RFX2: variants seen among roughly 807,000 people sequenced by gnomAD.
RFX2 encodes the protein DNA-binding protein RFX2.
Under a neutral mutation model 87.8 loss-of-function variants are expected in RFX2, and 20 were observed. The observed-to-expected ratio is 0.23, with a 90% CI of 0.16 to 0.33. The LOEUF (loss-of-function observed/expected upper bound fraction) is 0.33. Ranked by LOEUF, RFX2 falls within the 10% of genes least tolerant of loss-of-function variation. The pLI is 1.00. For missense variants in RFX2, 767 were observed against 1,012.3 expected (o/e 0.76, Z 3.29); for synonymous variants, 397 against 431.3 (o/e 0.92, Z 0.98).
intron 4 of RFX2, among the ~76,000 whole-genome samples, chr19:6,041,023 T>G (rs754469679): frequency 2.4e-4 from 36 of 152,168 alleles, no homozygotes; most frequent in Non-Finnish European, 3.2e-4. Flanking sequence ...GAATAAGGCC[T>G]GTGGGCTAGT....
rs1209891796 is a variant in RFX2 at position 6,010,907 on chromosome 19, G to A, written c.900-656C>T. Among the ~76,000 whole-genome samples the A allele has an allele frequency of 1.3e-5, 2 of 152,062 alleles. No homozygotes were observed. The highest frequency in any genetic ancestry group is 4.8e-5 in the African/African-American group (2 of 41,412). ...CGAGGCAGGTGGATCATCTGAGGTC[G>A]GGAGTTCGAGACCAGCCTGACCAAC... On this transcript the variant is annotated intron_variant, in intron 8 of 17. Coordinates refer to ENST00000303657, the MANE Select transcript of RFX2 (RefSeq NM_000635.4). The surrounding 1 kb of genome is among the most constrained non-coding windows in gnomAD (Gnocchi z 5.0).
At position 6,064,722 on chromosome 19, in the gene RFX2, T is replaced by C. The variant is rs1226044635; in HGVS notation, c.-8-17218A>G. Among the ~76,000 whole-genome samples the C allele has an allele frequency of 2.0e-5, 3 of 152,216 alleles. No homozygotes were observed. Among genetic ancestry groups the C allele is most frequent in the Non-Finnish European group, 4.4e-5 (3 of 68,032 alleles). Reference sequence around the variant, plus strand: ...AGGGCAACAGGCAGTGCATGTTCTTTCCACATCTCCATGACTGATTCTGGC... The same window carrying C: ...AGGGCAACAGGCAGTGCATGTTCTTCCCACATCTCCATGACTGATTCTGGC... On this transcript the variant is annotated intron_variant, in intron 1 of 17. Coordinates refer to ENST00000303657, the MANE Select transcript of RFX2 (RefSeq NM_000635.4). The surrounding 1 kb of genome is among the most constrained non-coding windows in gnomAD (Gnocchi z 4.8).
intron 1 of RFX2, among the ~76,000 whole-genome samples, chr19:6,080,771 C>T (rs2087769766): frequency 1.3e-5 from 2 of 152,118 alleles, no homozygotes; most frequent in African/African-American, 4.8e-5. Context: ...GGCTCAGTGG[C>T]TTATGCTTGT....
At chr19:6,032,789 T>C (rs1273688978) in intron 5 of RFX2, among the ~76,000 whole-genome samples, 1 of 152,164 alleles carries the variant, frequency 6.6e-6, no homozygotes, top group African/African-American at 2.4e-5. Flanking sequence ...CCAATTCTGT[T>C]GTTTGTTTCT....
At chr19:6,028,330 T>C (rs1330871943) in intron 5 of RFX2, among the ~76,000 whole-genome samples, 1 of 152,208 alleles carries the variant, frequency 6.6e-6, no homozygotes, top group Non-Finnish European at 1.5e-5. Context: ...TGTTATTGTA[T>C]ACTGTTTTAG....
chr19:6,063,820 A>AC lies in RFX2; in HGVS notation c.-8-16317dup, dbSNP rs973634317. On this transcript the variant is annotated intron_variant, in intron 1 of 17. Coordinates refer to ENST00000303657, the MANE Select transcript of RFX2 (RefSeq NM_000635.4). The surrounding 1 kb of genome is among the most constrained non-coding windows in gnomAD (Gnocchi z 4.0). ...GCCTCCACCCACTCCATGCCAGGAA[A>AC]CCCCCCGACCCCTGTCTGACAGCCA... Among the ~76,000 whole-genome samples, 1 of 151,770 alleles carries AC rather than the reference A, an allele frequency of 6.6e-6. No homozygotes were observed. Among genetic ancestry groups the AC allele is most frequent in the Non-Finnish European group, 1.5e-5 (1 of 67,914 alleles).
intron 16 of RFX2, among the ~76,000 whole-genome samples, chr19:5,996,816 T>A (rs558032855): frequency 6.6e-6 from 1 of 152,372 alleles, no homozygotes; most frequent in East Asian, 1.9e-4. Flanking sequence ...ACTGTGAACT[T>A]GGACAGAGCC....
chr19:6,086,931 G>A (rs1947364702), intron 1 of RFX2, among the ~76,000 whole-genome samples: 1 of 152,108 alleles, frequency 6.6e-6, no homozygotes, highest in African/African-American at 2.4e-5. Flanking sequence ...CCAGTGTTGA[G>A]CAGATTTTGA....
intron 17 of RFX2, 91 bp from the exon 18 acceptor site, chr19:5,995,041 G>T (rs574361262): frequency 1.0e-6 from 1 of 984,158 alleles, no homozygotes; most frequent in Non-Finnish European, 1.5e-6. Context: ...GCTCCGGCAC[G>T]CCAGGCAGGG....
At chr19:6,067,683 C>G (rs976407671) in intron 1 of RFX2, among the ~76,000 whole-genome samples, 1 of 152,198 alleles carries the variant, frequency 6.6e-6, no homozygotes, top group Non-Finnish European at 1.5e-5. Context: ...GGCACCACCA[C>G]CTTTCAAGGG....
At position 6,022,496 on chromosome 19, in the gene RFX2, C is replaced by A. The variant is rs537409378; in HGVS notation, c.597+3667G>T. On this transcript the variant is annotated intron_variant, in intron 6 of 17. Transcript: ENST00000303657. The surrounding 1 kb of genome is among the most constrained non-coding windows in gnomAD (Gnocchi z 6.2). ...TCATGGTGACAGAGACTCGGTGAAC[C>A]TGCTACGGGGTCCCGGTCGGCTGGT... Among the ~76,000 whole-genome samples, 1 of 152,346 alleles carries A rather than the reference C, an allele frequency of 6.6e-6. No homozygotes were observed. Among genetic ancestry groups the A allele is most frequent in the South Asian group, 2.1e-4 (1 of 4,826 alleles).
In RFX2 at chr19:6,072,758, A is replaced by AG. The variant is rs1019263607; in HGVS notation, c.-8-25255_-8-25254insC. ...CAAGGACATAACAAAGAAAAAAGAG[A>AG]AAAAAAAGGCCCCTCTCTCTTCAGT... On this transcript the variant is annotated intron_variant, in intron 1 of 17. Coordinates refer to ENST00000303657, the MANE Select transcript of RFX2 (RefSeq NM_000635.4). 12 of 555,136 alleles carry AG rather than the reference A, an allele frequency of 2.2e-5. No individual in the cohort carries two copies. The African/African-American group carries it at 3.2e-4, about 15-fold the overall frequency. The allele number at this position is 555,136 out of a possible 1,614,324, so 34.4% of individuals were successfully genotyped here. A position where few individuals can be genotyped will look rare whatever the true frequency, so the allele number is the denominator to read the frequency against.
At position 6,061,958 on chromosome 19, in the gene RFX2, A is replaced by T. The variant is rs2087440146; in HGVS notation, c.-8-14454T>A. ...GGAGTTCGAGACCAGCCTGGGCAAC[A>T]TAGCGAGGCCCCATCTCTACAAACA... On this transcript the variant is annotated intron_variant, in intron 1 of 17. Coordinates refer to ENST00000303657, the MANE Select transcript of RFX2 (RefSeq NM_000635.4). This position sits in a 1 kb window ranked among gnomAD's most constrained non-coding sequence, Gnocchi z 5.2. Among the ~76,000 whole-genome samples the T allele has an allele frequency of 6.6e-6, 1 of 152,168 alleles. No homozygotes were observed. The highest frequency in any genetic ancestry group is 2.1e-4 in the South Asian group (1 of 4,830).
At position 5,997,348 on chromosome 19, in the gene RFX2, G is replaced by A. The variant is rs1422870178; in HGVS notation, c.1860-135C>T. 1.0e-5 allele frequency: 11 copies of A among 1,052,148 alleles called. 1 individual carries two copies. The East Asian group carries it at 1.6e-4, about 15-fold the overall frequency. 65.2% of individuals were successfully genotyped at this position (1,052,148 alleles called of 1,614,324 possible). A position where few individuals can be genotyped will look rare whatever the true frequency, so the allele number is the denominator to read the frequency against. On this transcript the variant is annotated intron_variant, in intron 15 of 17. Transcript: ENST00000303657. The surrounding 1 kb of genome is among the most constrained non-coding windows in gnomAD (Gnocchi z 4.2). ...CCCAGAGGCTGAGTGATCCTAAGAC[G>A]TGCAGGCCTACGCGGGGGCTGACGG...
At chr19:6,106,397 A>G (rs1453965670) in intron 1 of RFX2, among the ~76,000 whole-genome samples, 1 of 152,216 alleles carries the variant, frequency 6.6e-6, no homozygotes, top group East Asian at 1.9e-4. Flanking sequence ...TAAAAAATAC[A>G]TAAGCCCACA....
chr19:6,023,985 G>C lies in RFX2; in HGVS notation c.597+2178C>G, dbSNP rs191790413. Among the ~76,000 whole-genome samples, 186 of 152,236 alleles carry C rather than the reference G, an allele frequency of 1.2e-3. No homozygotes were observed. Among genetic ancestry groups the C allele is most frequent in the Non-Finnish European group, 1.8e-3 (122 of 68,002 alleles). On this transcript the variant is annotated intron_variant, in intron 6 of 17. Coordinates refer to ENST00000303657, the MANE Select transcript of RFX2 (RefSeq NM_000635.4). This position sits in a 1 kb window ranked among gnomAD's most constrained non-coding sequence, Gnocchi z 4.9. ...GGTAGAGATGGGGTTTCGTCATGTT[G>C]GTCAGGCTGGTCTGGAACTCCTGAC...
chr19:6,046,287 C>T (rs916884926), intron 2 of RFX2, among the ~76,000 whole-genome samples: 5 of 152,130 alleles, frequency 3.3e-5, no homozygotes, highest in African/African-American at 1.2e-4. Context: ...CTTAAGAATT[C>T]TAACTCATCT....
chr19:6,063,138 T>C lies in RFX2; in HGVS notation c.-8-15634A>G, dbSNP rs993504039. 2.0e-5 allele frequency among the ~76,000 whole-genome samples: 3 copies of C among 152,112 alleles called. No individual in the cohort carries two copies. The highest frequency in any genetic ancestry group is 7.2e-5 in the African/African-American group (3 of 41,416). ...TGCATCCAGCTACTTGGTTTGAAAC[T>C]CTCCCCTGGCGCCTGCTCTGTGGGG... On this transcript the variant is annotated intron_variant, in intron 1 of 17. Coordinates refer to ENST00000303657, the MANE Select transcript of RFX2 (RefSeq NM_000635.4). This position sits in a 1 kb window ranked among gnomAD's most constrained non-coding sequence, Gnocchi z 4.0.
chr19:6,016,287 C>T lies in RFX2; in HGVS notation c.598-16G>A. The T allele has an allele frequency of 1.3e-6, 2 of 1,582,680 alleles. No individual in the cohort carries two copies. Among genetic ancestry groups the T allele is most frequent in the South Asian group, 1.1e-5 (1 of 87,730 alleles). On this transcript the variant is annotated splice_polypyrimidine_tract_variant and intron_variant, in intron 6 of 17. Transcript: ENST00000303657. The surrounding 1 kb of genome is among the most constrained non-coding windows in gnomAD (Gnocchi z 5.4). ...GCCACTGGAGCTGTAAAAAGAAAGA[C>T]ACGTCTGCGTTTGTCAGAAGCCTGA...
Sources: allele counts gnomAD v4.1 joint callset (sites outside exome capture counted in the v4.1 genomes callset), GRCh38; gene constraint gnomAD v4.1.1; non-coding constraint Gnocchi (gnomAD v3.1); transcripts MANE v1.5; gene names NCBI Gene and HGNC (gene_info 2026-07-23, HGNC 2026-07-21).